DRG1: variants seen among roughly 807,000 people sequenced by gnomAD.
DRG1 encodes developmentally-regulated GTP-binding protein 1.
In DRG1, 19 loss-of-function variants were observed where a neutral mutation model predicts 38.8. That is an observed-to-expected ratio of 0.49 (90% confidence interval 0.34 to 0.72). DRG1 has a LOEUF of 0.72. DRG1 is among the 30% of genes least tolerant of loss of function. The probability of loss-of-function intolerance (pLI) is 0.01; values close to 1 mark genes in which losing one functional copy is unlikely to be tolerated. For missense variants in DRG1, 299 were observed against 444.8 expected (o/e 0.67, Z 2.95); for synonymous variants, 167 against 157.5 (o/e 1.06, Z -0.45).
At chr22:31,405,419 G>A (rs1164525648) in intron 3 of DRG1, among the ~76,000 whole-genome samples, 1 of 152,000 alleles carries the variant, frequency 6.6e-6, no homozygotes, top group Non-Finnish European at 1.5e-5. Flanking sequence ...ACATGCCTTG[G>A]CCTCTTAAAG....
At position 31,427,173 on chromosome 22, in the gene DRG1, A is replaced by C. The variant is rs1188225160; in HGVS notation, c.995A>C (p.Glu332Ala). Residue 332 changes from glutamate (E) to alanine (A), a missense_variant, in exon 8 of 9, where the codon GAA (glutamate) becomes GCA (alanine). Transcript: ENST00000331457. ...CMKIHKNLIK[E>A]FKYALVWGLS... ...AAGATTCACAAAAATCTTATCAAAG[A>C]ATTTAAATAGTAAGTATCATGGGCC... 3 of 1,614,070 alleles carry C rather than the reference A, an allele frequency of 1.9e-6. No individual in the cohort carries two copies. The South Asian group carries it at 3.3e-5, about 18-fold the overall frequency.
intron 4 of DRG1, among the ~76,000 whole-genome samples, chr22:31,418,951 G>C (rs2050059915): frequency 6.6e-6 from 1 of 152,154 alleles, no homozygotes; most frequent in African/African-American, 2.4e-5. Context: ...GAACTGCTGG[G>C]ATTACAGGCG....
Position 31,433,931 on chromosome 22 carries a change from C to T in DRG1, c.1064C>T (p.Thr355Met), listed in dbSNP as rs149888544. Residue 355 changes from threonine (T) to methionine (M), a missense_variant, in exon 9 of 9, where the codon ACG (threonine) becomes ATG (methionine). Transcript: ENST00000331457. ...HNPQKVGKDH[T>M]LEDEDVIQIV... ...CCTCAGAAAGTGGGTAAAGACCATA[C>T]GTTGGAGGATGAGGATGTCATTCAA... 29 of 1,614,056 alleles carry T rather than the reference C, an allele frequency of 1.8e-5. No individual in the cohort carries two copies. The highest frequency in any genetic ancestry group is 1.6e-4 in the South Asian group (15 of 91,078).
At chr22:31,428,481 G>A (rs5753614) in intron 8 of DRG1, among the ~76,000 whole-genome samples, 5,520 of 152,006 alleles carry the variant, frequency 0.036, 435 homozygotes, top group East Asian at 0.34. Context: ...CCAAAGTGCC[G>A]GGATTACAGG....
rs565940758 is a variant in DRG1, at chr22:31,403,214, G to A, written c.342+10G>A. 1.1e-5 allele frequency: 17 copies of A among 1,595,166 alleles called. No individual in the cohort carries two copies. In the South Asian group the frequency reaches 1.8e-4, roughly 17 times the overall value. On this transcript the variant is annotated intron_variant, in intron 3 of 8. Coordinates refer to ENST00000331457, the MANE Select transcript of DRG1 (RefSeq NM_004147.4). Reference sequence around the variant, plus strand: ...AGGTGCCAAGATCCAGGTGAGTCAAGCCTGCAGACTAAGGAAGGAAAGAAA... The same window carrying A: ...AGGTGCCAAGATCCAGGTGAGTCAAACCTGCAGACTAAGGAAGGAAAGAAA...
Position 31,424,811 on chromosome 22 carries a change from C to CCCCT in DRG1, c.713+1401_713+1402insCCCT, listed in dbSNP as rs71202078. 1.5e-3 allele frequency among the ~76,000 whole-genome samples: 56 copies of CCCCT among 36,466 alleles called. 1 individual carries two copies. The highest frequency in any genetic ancestry group is 3.3e-3 in the South Asian group (3 of 898). The allele number at this position is 36,466 out of a possible 152,430, so 23.9% of individuals were successfully genotyped here. On this transcript the variant is annotated intron_variant, in intron 6 of 8. Transcript: ENST00000331457. ...TGTGCCCGGCACCCGCCCCCCCCCC[C>CCCCT]TTTTTTTTTTTTTTGGAGTCTTGCT...
rs1375563145 is a variant in DRG1 at position 31,420,386 on chromosome 22, TAAG to T, written c.550_552del (p.Lys184del). ...ACAGCAAACCCCCCAACATTGGCTT[TAAG>T]AAGAAGGACAAGGGAGGCATTAATC... On this transcript the variant is annotated inframe_deletion, in exon 5 of 9. Transcript: ENST00000331457. 3 of 1,614,186 alleles carry T rather than the reference TAAG, an allele frequency of 1.9e-6. No individual in the cohort carries two copies. Among genetic ancestry groups the T allele is most frequent in the East Asian group, 4.5e-5 (2 of 44,888 alleles).
chr22:31,422,165 C>T (rs983879322), intron 5 of DRG1, among the ~76,000 whole-genome samples: 2 of 151,004 alleles, frequency 1.3e-5, no homozygotes, highest in Admixed American at 6.6e-5. Context: ...GGCACGGTGG[C>T]TTACGCCTGT....
rs971181634 is a variant in DRG1 at position 31,434,233 on chromosome 22, G to T, written c.*262G>T. On this transcript the variant is annotated 3_prime_UTR_variant, in exon 9 of 9. Transcript: ENST00000331457. ...TTTGTTTTGGGATGGGCTGAATGAG[G>T]AAGGGTATATACGGTGAAGCAGCTA... The T allele has an allele frequency of 2.3e-5, 10 of 439,188 alleles. No homozygotes were observed. Among genetic ancestry groups the T allele is most frequent in the Non-Finnish European group, 3.4e-5 (8 of 235,918 alleles). 27.2% of individuals were successfully genotyped at this position (439,188 alleles called of 1,614,324 possible).
chr22:31,405,282 C>T (rs895769479), intron 3 of DRG1, among the ~76,000 whole-genome samples: 4 of 151,760 alleles, frequency 2.6e-5, no homozygotes, highest in African/African-American at 7.3e-5. Context: ...ATTCTTCTAC[C>T]GCAGCCTCTC....
At chr22:31,424,811 C>CCCT (rs71202078) in intron 6 of DRG1, among the ~76,000 whole-genome samples, 436 of 35,844 alleles carry the variant, frequency 0.012, 17 homozygotes, top group Middle Eastern at 0.023. Context: ...CCCCCCCCCC[C>CCCT]TTTTTTTTTT....
At chr22:31,430,673 A>G (rs1267945769) in intron 8 of DRG1, among the ~76,000 whole-genome samples, 1 of 152,094 alleles carries the variant, frequency 6.6e-6, no homozygotes, top group Non-Finnish European at 1.5e-5. Context: ...TGCTGGGATT[A>G]CAGGCGTGAG....
rs957333878 is a variant in DRG1, at chr22:31,427,795, G to A, written c.1004+613G>A. Reference sequence around the variant, plus strand: ...GTTGCCCAGGCTGGAGTGCAATGGCGTGATCTTGGCTCACTGCAACTTATG... The same window carrying A: ...GTTGCCCAGGCTGGAGTGCAATGGCATGATCTTGGCTCACTGCAACTTATG... On this transcript the variant is annotated intron_variant, in intron 8 of 8. Transcript: ENST00000331457. Among the ~76,000 whole-genome samples the A allele has an allele frequency of 3.9e-5, 6 of 151,938 alleles. 1 individual carries two copies. The highest frequency in any genetic ancestry group is 7.4e-5 in the Non-Finnish European group (5 of 67,968).
chr22:31,401,070 A>T (rs1036472702), intron 2 of DRG1, among the ~76,000 whole-genome samples: 3 of 151,958 alleles, frequency 2.0e-5, no homozygotes, highest in Non-Finnish European at 2.9e-5. Context: ...TCAGAGGCAA[A>T]TGAATATTGT....
chr22:31,433,847 A>C (rs2050156447), intron 8 of DRG1, 25 bp from the exon 9 acceptor site: 6 of 1,605,908 alleles, frequency 3.7e-6, no homozygotes, highest in Non-Finnish European at 5.1e-6. Context: ...ATTTACACTG[A>C]CTGTTCTTTT....
chr22:31,419,355 A>AC lies in DRG1; in HGVS notation c.413-900dup, dbSNP rs200473315. Among the ~76,000 whole-genome samples, 959 of 150,332 alleles carry AC rather than the reference A, an allele frequency of 6.4e-3. 2 individuals are homozygous for AC. Among genetic ancestry groups the AC allele is most frequent in the Non-Finnish European group, 0.011 (722 of 67,622 alleles). ...ATAAGATATGCAGGCACAAAAGACT[A>AC]CTTTTTTTTTTTTTTATACAGATTG... is the stretch of plus-strand genomic sequence containing the variant. On this transcript the variant is annotated intron_variant, in intron 4 of 8. Coordinates refer to ENST00000331457, the MANE Select transcript of DRG1 (RefSeq NM_004147.4).
intron 1 of DRG1, among the ~76,000 whole-genome samples, chr22:31,400,069 A>G (rs578166503): frequency 6.6e-6 from 1 of 151,912 alleles, no homozygotes; most frequent in East Asian, 1.9e-4. Flanking sequence ...GAAACACTGA[A>G]TCCTGTCCCT....
chr22:31,414,049 T>C (rs550376440), intron 4 of DRG1, among the ~76,000 whole-genome samples: 2 of 152,322 alleles, frequency 1.3e-5, no homozygotes, highest in African/African-American at 4.8e-5. Flanking sequence ...CTTTACCTGA[T>C]CTCTGACACC....
At chr22:31,412,530 T>C in intron 4 of DRG1, among the ~76,000 whole-genome samples, 1 of 151,398 alleles carries the variant, frequency 6.6e-6, no homozygotes, top group East Asian at 2.0e-4. Flanking sequence ...TTTGTATTTT[T>C]AGTAAAGATG....
Sources: allele counts gnomAD v4.1 joint callset (sites outside exome capture counted in the v4.1 genomes callset), GRCh38; gene constraint gnomAD v4.1.1; transcripts MANE v1.5; gene names NCBI Gene and HGNC (gene_info 2026-07-23, HGNC 2026-07-21).